The following MRPL3 variants were observed in gnomAD, a reference collection of about 807,000 sequenced individuals.
MRPL3 encodes the protein large ribosomal subunit protein uL3m.
In MRPL3, 43 loss-of-function variants were observed where a neutral mutation model predicts 44.3. That is an observed-to-expected ratio of 0.97 (90% CI 0.76 to 1.25). MRPL3 has a LOEUF of 1.25. Ranked by LOEUF, MRPL3 falls within the 50% of genes most tolerant of loss-of-function variation. The probability of loss-of-function intolerance (pLI) is 0.00; values close to 1 mark genes in which losing one functional copy is unlikely to be tolerated. For missense variants in MRPL3, 406 were observed against 427.6 expected (o/e 0.95, Z 0.45); for synonymous variants, 171 against 152.3 (o/e 1.12, Z -0.91).
In MRPL3 at chr3:131,468,600, A is replaced by T. The variant is rs560847395; in HGVS notation, c.817-432T>A. 2.5e-3 allele frequency among the ~76,000 whole-genome samples: 380 copies of T among 152,242 alleles called. 4 individuals are homozygous for T. The highest frequency in any genetic ancestry group is 8.5e-3 in the African/African-American group (355 of 41,566). On this transcript the variant is annotated intron_variant, in intron 8 of 9. Coordinates refer to ENST00000264995, the MANE Select transcript of MRPL3 (RefSeq NM_007208.4). ...TGGTCCTCAAAAAATCTTCATGTGG[A>T]GAAAAAACGTACATAAATGGGAGAG...
Position 131,468,103 on chromosome 3 carries a change from AT to A in MRPL3, c.881del (p.Asn294IlefsTer3). On this transcript the variant is annotated frameshift_variant, in exon 9 of 10. Coordinates refer to ENST00000264995, the MANE Select transcript of MRPL3 (RefSeq NM_007208.4). LOFTEE classifies it high-confidence loss of function. ...YVNGSVPGHKNCLVKVKDSKL... is the reference protein window; with the variant it reads ...YVNGSVPGHKXCLVKVKDSKL... ...CACTTATACTTACCTTTACTAAGCA[AT>A]TTTTATGTCCAGGTACAGAGCCATT... The A allele has an allele frequency of 6.4e-7, 1 of 1,567,478 alleles. No homozygotes were observed. Among genetic ancestry groups the A allele is most frequent in the Non-Finnish European group, 8.6e-7 (1 of 1,159,484 alleles).
intron 6 of MRPL3, among the ~76,000 whole-genome samples, chr3:131,475,690 T>C (rs1398683182): frequency 2.6e-5 from 4 of 152,158 alleles, no homozygotes; most frequent in African/African-American, 9.7e-5. Context: ...AGCTAAAACA[T>C]AACACATATT....
chr3:131,502,723 T>G lies in MRPL3; in HGVS notation c.92+7A>C. On this transcript the variant is annotated splice_region_variant and intron_variant, in intron 1 of 9. Coordinates refer to ENST00000264995, the MANE Select transcript of MRPL3 (RefSeq NM_007208.4). Reference sequence around the variant, plus strand: ...TGTGCAGGTAGGACACCCTCACACCTTCCTACCTGTTCCCCGGGCCCAGGG... The same window carrying G: ...TGTGCAGGTAGGACACCCTCACACCGTCCTACCTGTTCCCCGGGCCCAGGG... 1 of 1,606,838 alleles carries G rather than the reference T, an allele frequency of 6.2e-7. No homozygotes were observed. Among genetic ancestry groups the G allele is most frequent in the Non-Finnish European group, 8.5e-7 (1 of 1,175,510 alleles).
chr3:131,491,169 A>C (rs567842269), intron 4 of MRPL3, among the ~76,000 whole-genome samples: 6 of 152,262 alleles, frequency 3.9e-5, no homozygotes, highest in Admixed American at 1.3e-4. Context: ...TGCCAAGTCT[A>C]CTTTCTCTCC....
chr3:131,498,868 CAGG>C (rs764907800), intron 3 of MRPL3, among the ~76,000 whole-genome samples: 8 of 152,108 alleles, frequency 5.3e-5, no homozygotes, highest in Non-Finnish European at 1.5e-5. Flanking sequence ...TACCCAAGAG[CAGG>C]AGTTCTCAAA....
rs781648740 is a variant in MRPL3, at chr3:131,501,592, T to C, written c.216A>G (p.Gln72=). The C allele has an allele frequency of 6.8e-6, 11 of 1,612,252 alleles. No homozygotes were observed. The highest frequency in any genetic ancestry group is 9.3e-6 in the Non-Finnish European group (11 of 1,180,010). ...KQLVSDEDKA[Q]LASKLCPLKD... is the part of the protein sequence containing the mutation. ...TCAGAGGACACAGTTTACTTGCTAATTGGGCTTTATCTTCATCAGAGACCA... is the reference window on the plus strand; with the variant it reads ...TCAGAGGACACAGTTTACTTGCTAACTGGGCTTTATCTTCATCAGAGACCA... Residue 72 remains glutamine, a synonymous_variant, in exon 2 of 10, where the codon CAA becomes CAG. Transcript: ENST00000264995.
At chr3:131,493,915 C>T (rs989582582) in intron 4 of MRPL3, among the ~76,000 whole-genome samples, 1 of 152,200 alleles carries the variant, frequency 6.6e-6, no homozygotes, top group African/African-American at 2.4e-5. Context: ...AATGAAGTGC[C>T]TGCAGAGTCA....
intron 1 of MRPL3, chr3:131,501,970 C>CA: frequency 2.1e-6 from 3 of 1,451,674 alleles, no homozygotes; most frequent in Non-Finnish European, 2.8e-6. Context: ...ACATATTCCC[C>CA]AAAAAACAGT....
In MRPL3 at chr3:131,502,758, G is replaced by A. The variant is rs139676750; in HGVS notation, c.64C>T (p.Leu22=). Residue 22 remains leucine (L), a synonymous_variant, in exon 1 of 10, where the codon CTG becomes TTG. Transcript: ENST00000264995. ...TTCCCCGGGCCCAGGGCAGCACCCA[G>A]GCCGTCCCCGAGTCGACCCAGCACC... ...AQVLGRLGDG[L]GAALGPGNRT... 1.6e-5 allele frequency: 26 copies of A among 1,612,390 alleles called. No individual in the cohort carries two copies. The African/African-American group carries it at 2.8e-4, about 17-fold the overall frequency.
chr3:131,482,534 T>G (rs1934015717), intron 6 of MRPL3, among the ~76,000 whole-genome samples: 1 of 151,868 alleles, frequency 6.6e-6, no homozygotes, highest in South Asian at 2.1e-4. Flanking sequence ...AAAAAAAATT[T>G]TATTACTAAG....
intron 1 of MRPL3, 118 bp downstream of exon 1, chr3:131,502,612 T>G (rs543327353): frequency 9.1e-6 from 7 of 770,084 alleles, no homozygotes; most frequent in South Asian, 1.9e-5. Flanking sequence ...TATTCTTCTG[T>G]GTCCCACGTC....
chr3:131,490,759 G>A (rs886663466), intron 4 of MRPL3, among the ~76,000 whole-genome samples: 5 of 152,222 alleles, frequency 3.3e-5, no homozygotes, highest in Non-Finnish European at 7.3e-5. Flanking sequence ...CACATGAGAT[G>A]CACATGGAGA....
chr3:131,502,702 C>A, intron 1 of MRPL3, 28 bp downstream of exon 1: 1 of 1,579,192 alleles, frequency 6.3e-7, no homozygotes. Flanking sequence ...CGCAACTGTG[C>A]AGGTAGGACA....
intron 6 of MRPL3, among the ~76,000 whole-genome samples, chr3:131,485,601 T>C (rs1934100643): frequency 6.6e-6 from 1 of 152,050 alleles, no homozygotes; most frequent in East Asian, 1.9e-4. Context: ...GAACCAGTGA[T>C]TTCAGGGGTT....
At chr3:131,487,798 A>T in intron 5 of MRPL3, 58 bp from the exon 6 acceptor site, 1 of 1,385,872 alleles carries the variant, frequency 7.2e-7, no homozygotes, top group Non-Finnish European at 1.0e-6. Context: ...AAACAACTTT[A>T]TTCAACATAA....
At position 131,502,802 on chromosome 3, in the gene MRPL3, A is replaced by G. The variant is rs1934528410; in HGVS notation, c.20T>C (p.Leu7Pro). 1 of 1,612,276 alleles carries G rather than the reference A, an allele frequency of 6.2e-7. No homozygotes were observed. Among genetic ancestry groups the G allele is most frequent in the Non-Finnish European group, 8.5e-7 (1 of 1,179,428 alleles). ...CAGCACCTGGGCGCCGACCTGCGTC[A>G]GCAGCCTCCAACCCGGCATGGATTA... Reference protein sequence around the residue: MPGWRLLTQVGAQVLGR... With the variant: MPGWRLPTQVGAQVLGR... Residue 7 changes from leucine (L) to proline (P), a missense_variant, in exon 1 of 10, where the codon CTG becomes CCG. Coordinates refer to ENST00000264995, the MANE Select transcript of MRPL3 (RefSeq NM_007208.4).
chr3:131,487,160 G>A (rs1274243825), intron 6 of MRPL3: 1 of 153,544 alleles, frequency 6.5e-6, no homozygotes, highest in Non-Finnish European at 1.4e-5. Context: ...GCAGGGACAT[G>A]GAAGCTGGAA....
At chr3:131,470,647 T>G (rs1367112181) in intron 7 of MRPL3, among the ~76,000 whole-genome samples, 1 of 152,060 alleles carries the variant, frequency 6.6e-6, no homozygotes, top group Non-Finnish European at 1.5e-5. Flanking sequence ...TCTGTTTCTC[T>G]GTGTGCTACA....
chr3:131,501,438 A>AATT, intron 2 of MRPL3, 93 bp downstream of exon 2: 1 of 1,070,896 alleles, frequency 9.3e-7, no homozygotes, highest in Non-Finnish European at 1.4e-6. Flanking sequence ...AAATTCAAGA[A>AATT]ATGATAAATT....
Sources: gnomAD v4.1 joint callset for allele counts (sites outside exome capture counted in the v4.1 genomes callset) on GRCh38, gnomAD v4.1.1 for gene constraint, MANE v1.5 for transcripts, NCBI Gene and HGNC (gene_info 2026-07-23, HGNC 2026-07-21) for gene names.